NKAIN3: variants seen among roughly 807,000 people sequenced by gnomAD.
The protein encoded by NKAIN3 is sodium/potassium transporting ATPase interacting 3, also known as sodium/potassium-transporting ATPase subunit beta-1-interacting protein 3.
Under a neutral mutation model 30.2 loss-of-function variants are expected in NKAIN3, and 25 were observed. The ratio of observed to expected loss-of-function variants is 0.83; its 90% confidence interval spans 0.60 to 1.16. The LOEUF (loss-of-function observed/expected upper bound fraction) is 1.16, where lower values mean the gene tolerates loss of function less well. Ranked by LOEUF, NKAIN3 falls within the 50% of genes most tolerant of loss-of-function variation. The pLI is 0.00. For synonymous variants in NKAIN3, 91 were observed against 89.6 expected, an observed-to-expected ratio of 1.02 and a Z score of -0.09; for missense variants, 225 against 254.1, an observed-to-expected ratio of 0.89 and a Z score of 0.78.
At chr8:62,294,113 T>C (rs1368738724) in intron 1 of NKAIN3, among the ~76,000 whole-genome samples, 1 of 152,210 alleles carries the variant, frequency 6.6e-6, no homozygotes, top group Non-Finnish European at 1.5e-5. Context: ...GGGAGTGTTC[T>C]GATTTTCCAG....
chr8:62,449,333 G>A (rs1276500249), intron 1 of NKAIN3, among the ~76,000 whole-genome samples: 1 of 151,882 alleles, frequency 6.6e-6, no homozygotes, highest in Non-Finnish European at 1.5e-5. Context: ...CTAACTTCCT[G>A]GTCCATCCAC....
chr8:62,612,852 C>T (rs1313594657), intron 3 of NKAIN3, among the ~76,000 whole-genome samples: 1 of 151,992 alleles, frequency 6.6e-6, no homozygotes, highest in African/African-American at 2.4e-5. Flanking sequence ...GTGATAACAA[C>T]TTAATACTAT....
intron 1 of NKAIN3, among the ~76,000 whole-genome samples, chr8:62,530,787 T>C (rs1298264107): frequency 4.6e-5 from 7 of 152,122 alleles, no homozygotes; most frequent in African/African-American, 7.2e-5. Context: ...TACATGTGTG[T>C]GCCACCACAC....
intron 1 of NKAIN3, among the ~76,000 whole-genome samples, chr8:62,388,525 G>T (rs540183609): frequency 1.3e-5 from 2 of 152,262 alleles, no homozygotes; most frequent in South Asian, 4.2e-4. Flanking sequence ...AGCATATGTG[G>T]ATTAACTAAA....
At chr8:62,955,514 G>A (rs1014702671) in intron 6 of NKAIN3, among the ~76,000 whole-genome samples, 18 of 151,672 alleles carry the variant, frequency 1.2e-4, no homozygotes, top group African/African-American at 4.4e-4. Context: ...GATGATGAAG[G>A]GTTTCTTTCA....
chr8:62,803,457 A>AACTC (rs1563569510), intron 4 of NKAIN3, among the ~76,000 whole-genome samples: 1 of 152,206 alleles, frequency 6.6e-6, no homozygotes, highest in Non-Finnish European at 1.5e-5. Flanking sequence ...AGGATTCAGA[A>AACTC]ACTCACTCAA....
chr8:62,585,395 C>T (rs1311853627), intron 2 of NKAIN3, among the ~76,000 whole-genome samples: 2 of 152,148 alleles, frequency 1.3e-5, no homozygotes, highest in East Asian at 1.9e-4. Context: ...AACAACTTTG[C>T]CACATAGTAC....
At chr8:62,801,913 G>T (rs926926449) in intron 4 of NKAIN3, among the ~76,000 whole-genome samples, 5 of 152,168 alleles carry the variant, frequency 3.3e-5, no homozygotes, top group African/African-American at 1.2e-4. Context: ...CCAATACAGA[G>T]AAGTGCTTAA....
chr8:62,298,831 A>G (rs1329760936), intron 1 of NKAIN3, among the ~76,000 whole-genome samples: 1 of 149,666 alleles, frequency 6.7e-6, no homozygotes, highest in Non-Finnish European at 1.5e-5. Context: ...ATACCATAAT[A>G]CATATATTAA....
chr8:62,779,805 T>C (rs1817301649), intron 4 of NKAIN3, among the ~76,000 whole-genome samples: 1 of 151,842 alleles, frequency 6.6e-6, no homozygotes, highest in South Asian at 2.1e-4. Context: ...ATCAAAACAG[T>C]GGTAAAAGGG....
At chr8:62,532,299 A>T (rs932097499) in intron 1 of NKAIN3, among the ~76,000 whole-genome samples, 1 of 151,964 alleles carries the variant, frequency 6.6e-6, no homozygotes, top group Non-Finnish European at 1.5e-5. Flanking sequence ...GAGAAAAGCC[A>T]CTCATCTATG....
At position 62,870,920 on chromosome 8, in the gene NKAIN3, G is replaced by A. The variant is rs879584486; in HGVS notation, c.472-47533G>A. Among the ~76,000 whole-genome samples the A allele has an allele frequency of 4.0e-5, 6 of 151,774 alleles. No homozygotes were observed. In the South Asian group the frequency reaches 6.2e-4, roughly 16 times the overall value. On this transcript the variant is annotated intron_variant, in intron 4 of 6. Transcript: ENST00000623646. The stretch of plus-strand genomic sequence containing the variant: ...CTGTTTAGCTTTGGAAAAGTAGTTC[G>A]AGGGAAAAGTTTTAGATTTCTCTTC...
intron 1 of NKAIN3, among the ~76,000 whole-genome samples, chr8:62,573,120 C>T (rs1326744151): frequency 6.6e-6 from 1 of 152,154 alleles, no homozygotes; most frequent in Non-Finnish European, 1.5e-5. Flanking sequence ...GCCCCTTCCT[C>T]CTTGCCATGA....
At chr8:62,702,749 A>G (rs375812619) in intron 3 of NKAIN3, among the ~76,000 whole-genome samples, 11 of 152,194 alleles carry the variant, frequency 7.2e-5, no homozygotes, top group Admixed American at 5.9e-4. Context: ...TTTTATCTCA[A>G]ATAGTTCTGT....
At chr8:62,497,365 C>T (rs754429874) in intron 1 of NKAIN3, among the ~76,000 whole-genome samples, 7 of 151,194 alleles carry the variant, frequency 4.6e-5, no homozygotes, top group Non-Finnish European at 1.0e-4. Context: ...TCAGTAGAAA[C>T]AATGATACTT....
At chr8:62,857,060 T>C in intron 4 of NKAIN3, 1 of 492,550 alleles carries the variant, frequency 2.0e-6, no homozygotes, top group Admixed American at 2.3e-5. Context: ...GCCTCAGTTT[T>C]GTAATACGAC....
At chr8:62,341,909 C>G (rs1018425671) in intron 1 of NKAIN3, among the ~76,000 whole-genome samples, 1 of 151,928 alleles carries the variant, frequency 6.6e-6, no homozygotes. Flanking sequence ...TCCCATTTAA[C>G]TTTTCTCTGT....
chr8:62,508,688 A>G (rs1563432027), intron 1 of NKAIN3, among the ~76,000 whole-genome samples: 2 of 152,144 alleles, frequency 1.3e-5, no homozygotes, highest in Non-Finnish European at 2.9e-5. Flanking sequence ...CACTGTCTTC[A>G]CCTCTCAGCC....
At chr8:62,330,146 T>C (rs1446838711) in intron 1 of NKAIN3, among the ~76,000 whole-genome samples, 1 of 151,420 alleles carries the variant, frequency 6.6e-6, no homozygotes, top group Non-Finnish European at 1.5e-5. Context: ...TGAGCCAAGG[T>C]TGAGGTTAGG....
Sources: gnomAD v4.1 joint callset for allele counts (sites outside exome capture counted in the v4.1 genomes callset) on GRCh38, gnomAD v4.1.1 for gene constraint, MANE v1.5 for transcripts, NCBI Gene and HGNC (gene_info 2026-07-23, HGNC 2026-07-21) for gene names.